PRDM5: variants seen among roughly 807,000 people sequenced by gnomAD.
PRDM5 encodes the protein PR domain zinc finger protein 5.
A neutral mutation model predicts 81.2 loss-of-function variants in PRDM5; 56 were observed. The observed-to-expected ratio is 0.69, with a 90% CI of 0.56 to 0.86. PRDM5 has a LOEUF of 0.86. Among genes scored for constraint, PRDM5 ranks in the 40% least tolerant of loss-of-function variants. The pLI is 0.00. For missense variants in PRDM5, 697 were observed against 770.1 expected (o/e 0.91, Z 1.12); for synonymous variants, 267 against 256.4 (o/e 1.04, Z -0.39).
chr4:120,809,442 A>G (rs1024116127), intron 8 of PRDM5, among the ~76,000 whole-genome samples: 1 of 152,190 alleles, frequency 6.6e-6, no homozygotes, highest in African/African-American at 2.4e-5. Context: ...AAAAGATCAT[A>G]TTTAAAGTGA....
At chr4:120,884,875 A>G (rs912601629) in intron 2 of PRDM5, among the ~76,000 whole-genome samples, 6 of 152,090 alleles carry the variant, frequency 3.9e-5, no homozygotes, top group Non-Finnish European at 8.8e-5. Flanking sequence ...TCAAAAAAAG[A>G]AACACTGGCC....
chr4:120,830,266 C>T (rs1028709940), intron 3 of PRDM5, among the ~76,000 whole-genome samples: 3 of 151,954 alleles, frequency 2.0e-5, no homozygotes, highest in Non-Finnish European at 4.4e-5. Flanking sequence ...TGAGTTTGGC[C>T]GGGTGACTTG....
intron 13 of PRDM5, among the ~76,000 whole-genome samples, chr4:120,756,389 A>G (rs1422734288): frequency 6.6e-6 from 1 of 152,172 alleles, no homozygotes; most frequent in Non-Finnish European, 1.5e-5. Context: ...GCAAATTAAA[A>G]ACTTGGGAGC....
At chr4:120,732,336 A>C (rs1740390561) in intron 14 of PRDM5, among the ~76,000 whole-genome samples, 1 of 152,214 alleles carries the variant, frequency 6.6e-6, no homozygotes, top group African/African-American at 2.4e-5. Flanking sequence ...TATACTTCTT[A>C]ACATCTAATA....
intron 3 of PRDM5, among the ~76,000 whole-genome samples, 168 bp from the exon 4 acceptor site, chr4:120,821,513 AC>A (rs777440767): frequency 5.3e-5 from 8 of 152,188 alleles, no homozygotes; most frequent in Non-Finnish European, 1.0e-4. Flanking sequence ...ATATTCAGTT[AC>A]CTGGCAAATA....
At chr4:120,860,742 T>C (rs182629921) in intron 2 of PRDM5, among the ~76,000 whole-genome samples, 2 of 152,342 alleles carry the variant, frequency 1.3e-5, no homozygotes, top group East Asian at 3.9e-4. Flanking sequence ...AGCTACTTAG[T>C]GGCTTATTTG....
intron 3 of PRDM5, among the ~76,000 whole-genome samples, chr4:120,844,732 C>T (rs925483808): frequency 1.3e-5 from 2 of 152,174 alleles, no homozygotes; most frequent in Non-Finnish European, 2.9e-5. Context: ...AAGAAACAGT[C>T]ACACGTCTCT....
intron 1 of PRDM5, among the ~76,000 whole-genome samples, chr4:120,914,499 A>G (rs1723875303): frequency 6.6e-6 from 1 of 152,162 alleles, no homozygotes; most frequent in Admixed American, 6.5e-5. Flanking sequence ...GCTATAAAGA[A>G]CTTCCCTAAG....
chr4:120,824,453 C>T (rs558083189), intron 3 of PRDM5, among the ~76,000 whole-genome samples: 10 of 152,172 alleles, frequency 6.6e-5, no homozygotes, highest in Non-Finnish European at 1.0e-4. Flanking sequence ...TCACTGGCTC[C>T]AGGTGATTTT....
At chr4:120,725,913 C>A (rs575261693) in intron 14 of PRDM5, among the ~76,000 whole-genome samples, 1 of 152,028 alleles carries the variant, frequency 6.6e-6, no homozygotes, top group African/African-American at 2.4e-5. Context: ...TCTCTCATCT[C>A]GTATCTAAAT....
intron 9 of PRDM5, among the ~76,000 whole-genome samples, chr4:120,799,283 A>G (rs554927945): frequency 1.3e-5 from 2 of 152,338 alleles, no homozygotes; most frequent in East Asian, 1.9e-4. Flanking sequence ...ATTTTTGAAT[A>G]TCTACTAAAT....
Position 120,738,033 on chromosome 4 carries a change from A to G in PRDM5, c.1623+16520T>C, listed in dbSNP as rs540282843. Among the ~76,000 whole-genome samples, 42 of 152,376 alleles carry G rather than the reference A, an allele frequency of 2.8e-4. No homozygotes were observed. The South Asian group carries it at 8.3e-3, about 30-fold the overall frequency. On this transcript the variant is annotated intron_variant, in intron 14 of 15. Coordinates refer to ENST00000264808, the MANE Select transcript of PRDM5 (RefSeq NM_018699.4). The stretch of plus-strand genomic sequence containing the variant: ...GAAAGTCACAACCTAAAAAGGAGAA[A>G]CATATAAACAAATTATAAAAATAAG...
At chr4:120,684,725 C>T (rs943857129), downstream of PRDM5, among the ~76,000 whole-genome samples, 5 of 151,686 alleles carry the variant, frequency 3.3e-5, no homozygotes, top group African/African-American at 1.2e-4. Flanking sequence ...TGTTCTTTTG[C>T]TCAGAGAACC....
intron 11 of PRDM5, 103 bp downstream of exon 11, chr4:120,784,891 TATAA>T (rs1749543106): frequency 3.4e-6 from 3 of 889,938 alleles, no homozygotes. Flanking sequence ...AGTCAGATTA[TATAA>T]ATACTTATAG....
intron 3 of PRDM5, among the ~76,000 whole-genome samples, chr4:120,830,531 A>G (rs371128531): frequency 2.6e-5 from 4 of 152,192 alleles, no homozygotes; most frequent in Admixed American, 6.5e-5. Context: ...TGTTCGTTGG[A>G]GCGGTCTTCT....
Position 120,695,262 on chromosome 4 carries a change from G to C in PRDM5, c.1742C>G (p.Ala581Gly). The change falls in exon 16 of 16, where the codon GCT (alanine) becomes GGT (glycine). Residue 581 changes from alanine (A) to glycine (G), a missense_variant. Coordinates refer to ENST00000264808, the MANE Select transcript of PRDM5 (RefSeq NM_018699.4). ...KPFQCDVCDL[A>G]FSLKKMLIRH... The stretch of plus-strand genomic sequence containing the variant: ...AATCAGCATTTTCTTCAGGCTAAAA[G>C]CCAAATCACAAACCTAGAAAAGACC... The C allele has an allele frequency of 3.1e-6, 5 of 1,613,288 alleles. No individual in the cohort carries two copies.
chr4:120,735,205 G>A (rs971085753), intron 14 of PRDM5, among the ~76,000 whole-genome samples: 1 of 152,142 alleles, frequency 6.6e-6, no homozygotes. Context: ...TTGACATTAT[G>A]TGAGATAATC....
intron 10 of PRDM5, among the ~76,000 whole-genome samples, chr4:120,796,952 T>C (rs1440518129): frequency 6.6e-6 from 1 of 152,214 alleles, no homozygotes; most frequent in Non-Finnish European, 1.5e-5. Flanking sequence ...AAGTATTTTG[T>C]ATCTCATGAA....
chr4:120,745,330 G>C (rs1281504841), intron 14 of PRDM5, among the ~76,000 whole-genome samples: 6 of 118,944 alleles, frequency 5.0e-5, no homozygotes, highest in African/African-American at 2.1e-4. Flanking sequence ...ATATCATACT[G>C]AATGGGCAAA....
Sources: allele counts gnomAD v4.1 joint callset (sites outside exome capture counted in the v4.1 genomes callset), GRCh38; gene constraint gnomAD v4.1.1; transcripts MANE v1.5; gene names NCBI Gene and HGNC (gene_info 2026-07-23, HGNC 2026-07-21).